MTMR10: variants seen among roughly 807,000 people sequenced by gnomAD.
MTMR10 encodes the protein myotubularin related protein 10.
Under a neutral mutation model 88.1 loss-of-function variants are expected in MTMR10, and 56 were observed. The ratio of observed to expected loss-of-function variants is 0.64; its 90% confidence interval spans 0.51 to 0.79. The LOEUF (loss-of-function observed/expected upper bound fraction) is 0.79. MTMR10 is among the 30% of genes least tolerant of loss of function. The pLI is 0.00. For synonymous variants in MTMR10, 380 were observed against 340.9 expected (o/e 1.11, Z -1.26); for missense variants, 883 against 924.7 (o/e 0.95, Z 0.58).
At chr15:30,928,185 A>G in the MTMR10 span, 1 of 1,014,012 alleles carries the variant, frequency 9.9e-7, no homozygotes, top group Non-Finnish European at 1.2e-6. Context: ...ATTCTGTGCC[A>G]GCCCAGCCCT....
the MTMR10 span, among the ~76,000 whole-genome samples, chr15:30,922,850 CGTT>C: frequency 1.3e-5 from 2 of 152,216 alleles, no homozygotes; most frequent in Admixed American, 6.5e-5. Flanking sequence ...CATTTGGAAG[CGTT>C]GTTTGACCTT....
chr15:30,943,031 C>T lies in MTMR10; in HGVS notation c.1590G>A (p.Lys530=). The change falls in exon 15 of 16, where the codon AAG becomes AAA. Residue 530 remains lysine (K), a synonymous_variant. Transcript: ENST00000435680. ...ISKNIQLGDE[K]GLKFPSVWDW... is the part of the protein sequence containing the mutation. ...CCCAAACAGAGGGGAATTTTAAGCC[C>T]TTCTCATCACCCAATTGGATGTTTT... The T allele has an allele frequency of 6.5e-7, 1 of 1,548,400 alleles. No homozygotes were observed. Among genetic ancestry groups the T allele is most frequent in the Non-Finnish European group, 8.7e-7 (1 of 1,146,226 alleles).
chr15:30,926,679 G>A, the MTMR10 span: 1 of 985,424 alleles, frequency 1.0e-6, no homozygotes, highest in Non-Finnish European at 1.2e-6. Context: ...GCCTGAAATG[G>A]TTAGAAATAG....
chr15:30,977,212 C>CT (rs1004108413), intron 2 of MTMR10, among the ~76,000 whole-genome samples: 4 of 152,206 alleles, frequency 2.6e-5, no homozygotes, highest in African/African-American at 9.7e-5. Flanking sequence ...CTTCAGTGTA[C>CT]TTTTTTCCTA....
chr15:30,918,844 T>A, the MTMR10 span, among the ~76,000 whole-genome samples: 1 of 152,276 alleles, frequency 6.6e-6, no homozygotes, highest in Admixed American at 6.5e-5. Context: ...GATGCCACTT[T>A]GAAAAAATCA....
chr15:30,931,352 G>T, the MTMR10 span, among the ~76,000 whole-genome samples: 1 of 152,176 alleles, frequency 6.6e-6, no homozygotes, highest in Admixed American at 6.5e-5. Context: ...TCCTTTATCA[G>T]TGACATTTCA....
At chr15:30,929,650 A>C in the MTMR10 span, among the ~76,000 whole-genome samples, 6 of 108,902 alleles carry the variant, frequency 5.5e-5, no homozygotes, top group Admixed American at 1.1e-4. Context: ...TACAATATAT[A>C]ATATAATATA....
intron 2 of MTMR10, among the ~76,000 whole-genome samples, chr15:30,989,109 A>C (rs1379999190): frequency 6.6e-6 from 1 of 152,194 alleles, no homozygotes; most frequent in Non-Finnish European, 1.5e-5. Context: ...TGGAGGAATC[A>C]AAGCCTAAGA....
Position 30,942,076 on chromosome 15 carries a change from T to C in MTMR10, c.1732-4A>G, listed in dbSNP as rs1454761098. Reference sequence around the variant, plus strand: ...TTAGTGTGGAGCTGTAGCTTTTCTATACAGAAGAGATTTTATTATGTTCCG... The same window carrying C: ...TTAGTGTGGAGCTGTAGCTTTTCTACACAGAAGAGATTTTATTATGTTCCG... On this transcript the variant is annotated splice_polypyrimidine_tract_variant and splice_region_variant and intron_variant, in intron 15 of 15. Coordinates refer to ENST00000435680, the MANE Select transcript of MTMR10 (RefSeq NM_017762.3). 7 of 1,608,506 alleles carry C rather than the reference T, an allele frequency of 4.4e-6. No individual in the cohort carries two copies. Among genetic ancestry groups the C allele is most frequent in the East Asian group, 4.5e-5 (2 of 44,802 alleles).
At chr15:30,956,619 A>C (rs987837796) in intron 9 of MTMR10, among the ~76,000 whole-genome samples, 5 of 152,260 alleles carry the variant, frequency 3.3e-5, no homozygotes, top group African/African-American at 7.2e-5. Context: ...AACCTAAAGA[A>C]GGCCAGTGGG....
chr15:30,952,580 G>A (rs72710425), intron 11 of MTMR10, among the ~76,000 whole-genome samples: 2,176 of 151,208 alleles, frequency 0.014, 18 homozygotes, highest in Non-Finnish European at 0.024. Context: ...TTCCTCGGCT[G>A]GTTGTGAACT....
intron 12 of MTMR10, among the ~76,000 whole-genome samples, chr15:30,950,953 G>A (rs1316934343): frequency 6.6e-6 from 1 of 152,084 alleles, no homozygotes; most frequent in African/African-American, 2.4e-5. Flanking sequence ...ATACTGTTTA[G>A]AGAATAATGA....
intron 12 of MTMR10, 37 bp downstream of exon 12, chr15:30,951,931 T>C (rs1237930205): frequency 1.9e-6 from 3 of 1,557,968 alleles, no homozygotes; most frequent in Non-Finnish European, 2.7e-6. Flanking sequence ...CTGGCTGGTA[T>C]GGTGGTCATG....
In MTMR10 at chr15:30,974,444, T is replaced by C. The variant is rs2029959680; in HGVS notation, c.344A>G (p.Lys115Arg). ...GGGGCCTAGGACTTTCTGCTTCCTC[T>C]TGTGGTCGTTTACTAAAAAAGAAAA... Reference protein sequence around the residue: ...IEQIVTVNDHKRKQKVLGPNQ... With the variant: ...IEQIVTVNDHRRKQKVLGPNQ... Residue 115 changes from lysine to arginine, a missense_variant, in exon 5 of 16, where the codon AAG (lysine) becomes AGG (arginine). Coordinates refer to ENST00000435680, the MANE Select transcript of MTMR10 (RefSeq NM_017762.3). 2 of 1,539,934 alleles carry C rather than the reference T, an allele frequency of 1.3e-6. No homozygotes were observed. The highest frequency in any genetic ancestry group is 1.4e-5 in the African/African-American group (1 of 71,756).
chr15:30,919,340 A>C, the MTMR10 span, among the ~76,000 whole-genome samples: 5 of 140,752 alleles, frequency 3.6e-5, no homozygotes, highest in African/African-American at 2.7e-5. Context: ...AGATCACGCC[A>C]TTGCACTCCA....
chr15:30,979,960 G>A (rs950537583), intron 2 of MTMR10, among the ~76,000 whole-genome samples: 4 of 152,236 alleles, frequency 2.6e-5, no homozygotes, highest in Non-Finnish European at 5.9e-5. Context: ...GCTTTCACAG[G>A]ACAAAGACAG....
chr15:30,932,997 G>C, the MTMR10 span, among the ~76,000 whole-genome samples: 1 of 152,008 alleles, frequency 6.6e-6, no homozygotes, highest in Admixed American at 6.5e-5. Context: ...TGGGATTACA[G>C]GTGTGAGCCA....
At chr15:30,938,920 G>A, downstream of MTMR10, 1 of 985,260 alleles carries the variant, frequency 1.0e-6, no homozygotes. Context: ...TCCAGTAGAT[G>A]ATTTCATACT....
the MTMR10 span, chr15:30,926,566 G>C: frequency 1.1e-6 from 1 of 949,016 alleles, no homozygotes; most frequent in Non-Finnish European, 1.3e-6. Flanking sequence ...TCTTTCTGAT[G>C]AGTGTTGAGA....
Sources: allele counts gnomAD v4.1 joint callset (sites outside exome capture counted in the v4.1 genomes callset), GRCh38; gene constraint gnomAD v4.1.1; transcripts MANE v1.5; gene names NCBI Gene and HGNC (gene_info 2026-07-23, HGNC 2026-07-21).